XRRA1: variants seen among roughly 807,000 people sequenced by gnomAD.
XRRA1 encodes the protein X-ray radiation resistance associated 1, also known as X-ray radiation resistance-associated protein 1.
A neutral mutation model predicts 80.2 loss-of-function variants in XRRA1; 69 were observed. The ratio of observed to expected loss-of-function variants is 0.86; its 90% CI spans 0.71 to 1.05. The LOEUF (loss-of-function observed/expected upper bound fraction) is 1.05. Among genes scored for constraint, XRRA1 ranks in the 50% least tolerant of loss-of-function variants. XRRA1 has a pLI of 0.00. For synonymous variants in XRRA1, 348 were observed against 389.9 expected (o/e 0.89, Z 1.27); for missense variants, 967 against 976.4 (o/e 0.99, Z 0.13).
Position 74,859,178 on chromosome 11 carries a change from G to A in XRRA1, c.1150C>T (p.Leu384Phe). The A allele has an allele frequency of 6.2e-7, 1 of 1,607,564 alleles. No individual in the cohort carries two copies. The highest frequency in any genetic ancestry group is 8.5e-7 in the Non-Finnish European group (1 of 1,177,830). Residue 384 changes from leucine (L) to phenylalanine (F), a missense_variant, in exon 12 of 19, where the codon CTT becomes TTT. By Grantham distance (22) the Leu-to-Phe change is conservative. Coordinates refer to ENST00000684022, the MANE Select transcript of XRRA1 (RefSeq NM_001378157.1). ...LAPPFPELRY[L>F]SLAYNKIAKE... ...GTCACCTTGTTGTAGGCCAGGCTAA[G>A]GTATCTCAGCTCTGGGAAGGGTGGG... is the stretch of plus-strand genomic sequence containing the variant.
At chr11:74,898,631 T>C (rs2052923068) in intron 10 of XRRA1, among the ~76,000 whole-genome samples, 1 of 151,848 alleles carries the variant, frequency 6.6e-6, no homozygotes, top group South Asian at 2.1e-4. Context: ...ACAAAATAGA[T>C]TTCAAGACAA....
At chr11:74,927,546 A>C (rs1227809925) in intron 6 of XRRA1, 58 bp from the exon 7 acceptor site, 9 of 1,178,542 alleles carry the variant, frequency 7.6e-6, no homozygotes, top group Non-Finnish European at 1.1e-5. Flanking sequence ...AGAGAAAGAT[A>C]TTAATAATTA....
rs766036797 is a variant in XRRA1 at position 74,852,021 on chromosome 11, A to G, written c.1232T>C (p.Phe411Ser). The G allele has an allele frequency of 6.2e-7, 1 of 1,613,920 alleles. No homozygotes were observed. The highest frequency in any genetic ancestry group is 8.5e-7 in the Non-Finnish European group (1 of 1,179,852). ...ALFPSLCEFV[F>S]HNNPLVAHTR... ...ATGGGCCACCAGAGGGTTGTTATGA[A>G]AGACGAACTCGCAGAGAGATGGGAA... The change falls in exon 13 of 19, where the codon TTT (phenylalanine) becomes TCT (serine). Residue 411 changes from phenylalanine to serine, a missense_variant. Transcript: ENST00000684022.
At chr11:74,907,086 G>C (rs1426557383) in intron 9 of XRRA1, 59 bp downstream of exon 9, 2 of 1,606,832 alleles carry the variant, frequency 1.2e-6, no homozygotes, top group Admixed American at 3.4e-5. Context: ...ACAGCACTCA[G>C]AGTGTGAGCA....
intron 15 of XRRA1, 78 bp downstream of exon 15, chr11:74,848,037 C>T (rs1052539430): frequency 7.5e-7 from 1 of 1,325,172 alleles, no homozygotes; most frequent in African/African-American, 1.5e-5. Flanking sequence ...CAGCTGTCCA[C>T]AGCAATCGAG....
At chr11:74,846,918 GA>G (rs1398944353) in intron 15 of XRRA1, among the ~76,000 whole-genome samples, 1 of 150,316 alleles carries the variant, frequency 6.7e-6, no homozygotes, top group Non-Finnish European at 1.5e-5. Flanking sequence ...GAAAAAAAAA[GA>G]TTTTTTTTTT....
intron 10 of XRRA1, among the ~76,000 whole-genome samples, chr11:74,877,845 C>A (rs1590888747): frequency 6.6e-6 from 1 of 152,228 alleles, no homozygotes; most frequent in Admixed American, 6.5e-5. Context: ...GCCACATTTT[C>A]TTAATCCAGT....
At chr11:74,844,596 GC>G (rs2037514032) in intron 16 of XRRA1, among the ~76,000 whole-genome samples, 2 of 152,208 alleles carry the variant, frequency 1.3e-5, no homozygotes, top group Non-Finnish European at 2.9e-5. Flanking sequence ...TATCGCAGGG[GC>G]TAACACCCAG....
intron 11 of XRRA1, among the ~76,000 whole-genome samples, chr11:74,860,532 A>G (rs558482448): frequency 1.3e-5 from 2 of 152,374 alleles, no homozygotes; most frequent in African/African-American, 2.4e-5. Context: ...TGATTTTAAT[A>G]GAGTAAGGCC....
intron 8 of XRRA1, among the ~76,000 whole-genome samples, chr11:74,912,727 G>A (rs2056182200): frequency 6.6e-6 from 1 of 152,166 alleles, no homozygotes; most frequent in Non-Finnish European, 1.5e-5. Flanking sequence ...AAGAGCCATG[G>A]CCTCTCATTC....
At chr11:74,944,688 C>T (rs1947144715) in intron 2 of XRRA1, among the ~76,000 whole-genome samples, 1 of 152,172 alleles carries the variant, frequency 6.6e-6, no homozygotes, top group South Asian at 2.1e-4. Flanking sequence ...TGTTGTGGGG[C>T]CTATAATTAC....
chr11:74,918,151 C>G (rs1349923431), intron 8 of XRRA1, among the ~76,000 whole-genome samples: 1 of 152,100 alleles, frequency 6.6e-6, no homozygotes, highest in Non-Finnish European at 1.5e-5. Flanking sequence ...AGAACCCCAA[C>G]CAGCCAAGGT....
intron 8 of XRRA1, among the ~76,000 whole-genome samples, chr11:74,908,842 C>T (rs375999661): frequency 7.2e-5 from 11 of 152,270 alleles, no homozygotes; most frequent in South Asian, 2.1e-4. Context: ...ATAATCTCTT[C>T]GTGGCTGGAT....
chr11:74,868,973 GA>G (rs1164224163), intron 10 of XRRA1, among the ~76,000 whole-genome samples: 2 of 152,020 alleles, frequency 1.3e-5, no homozygotes, highest in Non-Finnish European at 2.9e-5. Context: ...TTAATGACCT[GA>G]ACTCAATACT....
At chr11:74,902,515 T>C (rs1238306733) in intron 10 of XRRA1, among the ~76,000 whole-genome samples, 2 of 152,184 alleles carry the variant, frequency 1.3e-5, no homozygotes, top group Admixed American at 1.3e-4. Context: ...GGAAGCAACC[T>C]ACGCATCCAT....
chr11:74,902,930 T>G (rs2053846601), intron 10 of XRRA1, among the ~76,000 whole-genome samples: 1 of 152,220 alleles, frequency 6.6e-6, no homozygotes. Flanking sequence ...GTATATTACA[T>G]GCCTATACCA....
intron 10 of XRRA1, among the ~76,000 whole-genome samples, chr11:74,891,323 T>A (rs2050635772): frequency 6.6e-6 from 1 of 152,216 alleles, no homozygotes; most frequent in Non-Finnish European, 1.5e-5. Flanking sequence ...TCTCAATAGA[T>A]GCAGAAAAGG....
rs1052580199 is a variant in XRRA1 at position 74,859,223 on chromosome 11, C to A, written c.1105G>T (p.Ala369Ser). 1 of 1,610,180 alleles carries A rather than the reference C, an allele frequency of 6.2e-7. No individual in the cohort carries two copies. The highest frequency in any genetic ancestry group is 1.7e-5 in the Admixed American group (1 of 59,412). Residue 369 changes from alanine (A) to serine (S), a missense_variant, in exon 12 of 19, where the codon GCC becomes TCC. Ala to Ser is a moderately conservative substitution (Grantham distance 99). Coordinates refer to ENST00000684022, the MANE Select transcript of XRRA1 (RefSeq NM_001378157.1). ...FEILPVKSLKARNQTLAPPFP... is the reference protein window; with the variant it reads ...FEILPVKSLKSRNQTLAPPFP... The stretch of plus-strand genomic sequence containing the variant: ...GGTGGGGCCAGCGTCTGGTTCCTGG[C>A]CTTCAGTGACTTCACAGGAAGGATC...
rs550027815 is a variant in XRRA1 at position 74,856,375 on chromosome 11, T to G, written c.1170+2783A>C. 3.9e-5 allele frequency among the ~76,000 whole-genome samples: 6 copies of G among 152,100 alleles called. No homozygotes were observed. The East Asian group carries it at 1.2e-3, about 29-fold the overall frequency. ...AAACTCAGGTGCAAACATAGAAAAA[T>G]GGAAAGAGTGCTGCTCCAACCTTAA... On this transcript the variant is annotated intron_variant, in intron 12 of 18. Coordinates refer to ENST00000684022, the MANE Select transcript of XRRA1 (RefSeq NM_001378157.1).
Sources: gnomAD v4.1 joint callset for allele counts (sites outside exome capture counted in the v4.1 genomes callset) on GRCh38, gnomAD v4.1.1 for gene constraint, MANE v1.5 for transcripts, NCBI Gene and HGNC (gene_info 2026-07-23, HGNC 2026-07-21) for gene names.